DDX4: variants seen among roughly 807,000 people sequenced by gnomAD.
The protein encoded by DDX4 is probable ATP-dependent RNA helicase DDX4.
A neutral mutation model predicts 100.0 loss-of-function variants in DDX4; 25 were observed. The observed-to-expected ratio is 0.25, with a 90% CI of 0.18 to 0.35. DDX4 has a LOEUF of 0.35. DDX4 is among the 10% of genes least tolerant of loss of function. DDX4 has a pLI of 1.00. For synonymous variants in DDX4, 259 were observed against 275.7 expected, an observed-to-expected ratio of 0.94 and a Z score of 0.60; for missense variants, 635 against 882.4, an observed-to-expected ratio of 0.72 and a Z score of 3.55.
chr5:55,752,535 A>G (rs1440012700), intron 3 of DDX4, among the ~76,000 whole-genome samples: 1 of 145,254 alleles, frequency 6.9e-6, no homozygotes, highest in Non-Finnish European at 1.5e-5. Context: ...ATGGCTGCAT[A>G]GTATTCCATG....
intron 18 of DDX4, among the ~76,000 whole-genome samples, chr5:55,810,636 C>G (rs936688123): frequency 6.6e-6 from 1 of 152,104 alleles, no homozygotes; most frequent in Non-Finnish European, 1.5e-5. Context: ...GGTTTGACAA[C>G]TCTTACCATA....
chr5:55,755,094 C>T (rs1273195302), intron 3 of DDX4, among the ~76,000 whole-genome samples: 1 of 152,012 alleles, frequency 6.6e-6, no homozygotes, highest in African/African-American at 2.4e-5. Flanking sequence ...TTTTCCAGCA[C>T]CATCTAAGCA....
At position 55,751,953 on chromosome 5, in the gene DDX4, G is replaced by C. The variant is rs369723787; in HGVS notation, c.127+5732G>C. 2.2e-4 allele frequency among the ~76,000 whole-genome samples: 33 copies of C among 152,112 alleles called. 1 individual carries two copies. The East Asian group carries it at 3.1e-3, about 14-fold the overall frequency. On this transcript the variant is annotated intron_variant, in intron 3 of 21. Coordinates refer to ENST00000505374, the MANE Select transcript of DDX4 (RefSeq NM_024415.3). ...TCTGAACTCATCCTTTTTGAATCAT[G>C]GTGGCCATATTTATTTGAGTGTCAA...
Position 55,781,856 on chromosome 5 carries a change from T to C in DDX4, c.578-78T>C, listed in dbSNP as rs1324292933. The C allele has an allele frequency of 1.4e-5, 21 of 1,499,132 alleles. No homozygotes were observed. The East Asian group carries it at 2.5e-4, about 18-fold the overall frequency. The allele number at this position is 1,499,132 out of a possible 1,614,324, so 92.9% of individuals were successfully genotyped here. On this transcript the variant is annotated intron_variant, in intron 9 of 21. Coordinates refer to ENST00000505374, the MANE Select transcript of DDX4 (RefSeq NM_024415.3). The stretch of plus-strand genomic sequence containing the variant: ...ATTCCTAAGTAATAACTTTGTTGAA[T>C]AGAAATAACAACATGGTTTGTGTGC...
chr5:55,813,041 T>C (rs1022206659), intron 18 of DDX4, among the ~76,000 whole-genome samples: 36 of 152,152 alleles, frequency 2.4e-4, no homozygotes, highest in Admixed American at 2.6e-4. Context: ...GGAAATTCCC[T>C]GTGTGGGAAA....
At chr5:55,788,081 A>G in intron 15 of DDX4, 81 bp downstream of exon 15, 1 of 1,209,838 alleles carries the variant, frequency 8.3e-7, no homozygotes. Context: ...GAACTCAGTA[A>G]TAATGCACTC....
chr5:55,747,074 T>C (rs2111611590), intron 3 of DDX4, among the ~76,000 whole-genome samples: 1 of 152,102 alleles, frequency 6.6e-6, no homozygotes, highest in Middle Eastern at 3.4e-3. Flanking sequence ...GGCAACATAG[T>C]TGGAGTCTTT....
In DDX4 at chr5:55,785,339, G is replaced by A. The variant is rs144187220; in HGVS notation, c.668G>A (p.Gly223Glu). 1.9e-6 allele frequency: 3 copies of A among 1,605,390 alleles called. No homozygotes were observed. The Admixed American group carries it at 5.0e-5, about 27-fold the overall frequency. The part of the protein sequence containing the change: ...GLNEEVITGS[G>E]KNSWKSEAEG... ...AATGAAGAAGTAATAACAGGCTCTG[G>A]AAAGAGTAAGTTTTCCTTAAACAAG... Residue 223 changes from glycine to glutamate, a missense_variant, in exon 11 of 22, where the codon GGA becomes GAA. Physicochemically the swap from Gly to Glu is moderately conservative, Grantham distance 98. Coordinates refer to ENST00000505374, the MANE Select transcript of DDX4 (RefSeq NM_024415.3).
Position 55,813,737 on chromosome 5 carries a change from T to G in DDX4, c.1680T>G (p.Leu560=). Residue 560 remains leucine (L), a synonymous_variant, in exon 19 of 22, where the codon CTT becomes CTG. Transcript: ENST00000505374. ...KKKADFIATF[L]CQEKISTTSI... ...AAGCAGATTTTATTGCAACTTTTCTTTGTCAAGAAAAAATATCAACTACAA... is the reference window on the plus strand; with the variant it reads ...AAGCAGATTTTATTGCAACTTTTCTGTGTCAAGAAAAAATATCAACTACAA... 1 of 1,598,470 alleles carries G rather than the reference T, an allele frequency of 6.3e-7. No individual in the cohort carries two copies. The highest frequency in any genetic ancestry group is 1.3e-5 in the African/African-American group (1 of 74,382).
chr5:55,769,558 TCAGTGG>T (rs747955847), intron 7 of DDX4, among the ~76,000 whole-genome samples: 3 of 152,158 alleles, frequency 2.0e-5, no homozygotes, highest in African/African-American at 4.8e-5. Context: ...TGTACAAAAA[TCAGTGG>T]CATTCCTATC....
chr5:55,794,499 C>A (rs1265353671), intron 17 of DDX4, among the ~76,000 whole-genome samples: 1 of 151,942 alleles, frequency 6.6e-6, no homozygotes, highest in East Asian at 1.9e-4. Flanking sequence ...CACACCCAGC[C>A]CTATATAGTA....
intron 17 of DDX4, among the ~76,000 whole-genome samples, chr5:55,796,213 C>T (rs967379449): frequency 1.1e-4 from 16 of 152,206 alleles, no homozygotes; most frequent in Non-Finnish European, 2.9e-5. Flanking sequence ...CCTTCTTCTC[C>T]CAGTCTACCA....
chr5:55,747,379 A>G (rs1000489276), intron 3 of DDX4, among the ~76,000 whole-genome samples: 2 of 152,128 alleles, frequency 1.3e-5, no homozygotes, highest in Admixed American at 6.6e-5. Context: ...TCTGTCTCAA[A>G]AAACAAAAAC....
chr5:55,805,896 A>G (rs1303862510), intron 18 of DDX4, among the ~76,000 whole-genome samples: 1 of 152,194 alleles, frequency 6.6e-6, no homozygotes, highest in East Asian at 1.9e-4. Context: ...TTCAGAAGGA[A>G]TGGTACCAGC....
intron 3 of DDX4, among the ~76,000 whole-genome samples, chr5:55,752,452 A>C (rs6874761): frequency 0.16 from 22,070 of 141,930 alleles, 2,200 homozygotes; most frequent in Admixed American, 0.26. Context: ...TTTGTTCTTG[A>C]GATAGTTTAC....
At chr5:55,763,808 AAGTTG>A (rs1740718719) in intron 5 of DDX4, among the ~76,000 whole-genome samples, 1 of 152,140 alleles carries the variant, frequency 6.6e-6, no homozygotes, top group South Asian at 2.1e-4. Context: ...GCTGAAAAGA[AAGTTG>A]TTTTTAACCT....
At chr5:55,787,314 A>C (rs149670366) in intron 14 of DDX4, among the ~76,000 whole-genome samples, 5 of 152,176 alleles carry the variant, frequency 3.3e-5, no homozygotes, top group Admixed American at 1.3e-4. Context: ...TTGGAGGTGG[A>C]TTTTAGCAAG....
intron 6 of DDX4, chr5:55,767,002 C>A: frequency 6.6e-7 from 1 of 1,516,446 alleles, no homozygotes; most frequent in Non-Finnish European, 8.8e-7. Flanking sequence ...AGTAATCTCT[C>A]ATACTACTAT....
intron 21 of DDX4, 119 bp from the exon 22 acceptor site, chr5:55,816,344 G>T: frequency 1.4e-6 from 2 of 1,389,706 alleles, no homozygotes; most frequent in Non-Finnish European, 1.9e-6. Flanking sequence ...TTGATTATTT[G>T]GGGAAGACAT....
Sources: allele counts gnomAD v4.1 joint callset (sites outside exome capture counted in the v4.1 genomes callset), GRCh38; gene constraint gnomAD v4.1.1; transcripts MANE v1.5; gene names NCBI Gene and HGNC (gene_info 2026-07-23, HGNC 2026-07-21).